Variants in PHLPP1 observed in about 807,000 individuals in gnomAD.
PHLPP1 encodes PH domain leucine-rich repeat-containing protein phosphatase 1.
PHLPP1 carries 42 observed loss-of-function variants against 117.2 expected under a neutral mutation model. That is an observed-to-expected ratio of 0.36 (90% CI 0.28 to 0.46). The LOEUF (loss-of-function observed/expected upper bound fraction) is 0.46, where lower values mean the gene tolerates loss of function less well. Ranked by LOEUF, PHLPP1 falls within the 20% of genes least tolerant of loss-of-function variation. The pLI is 1.00. For synonymous variants in PHLPP1, 1,042 were observed against 970.7 expected, an observed-to-expected ratio of 1.07 and a Z score of -1.37; for missense variants, 2,084 against 2,241.9, an observed-to-expected ratio of 0.93 and a Z score of 1.42.
At chr18:62,932,646 C>G (rs1435461130) in intron 10 of PHLPP1, among the ~76,000 whole-genome samples, 5 of 152,110 alleles carry the variant, frequency 3.3e-5, no homozygotes, top group African/African-American at 1.2e-4. Context: ...TATGACAAAC[C>G]CACAGCCAAC....
intron 4 of PHLPP1, among the ~76,000 whole-genome samples, chr18:62,890,894 G>A (rs1176711453): frequency 6.6e-6 from 1 of 152,004 alleles, no homozygotes; most frequent in East Asian, 1.9e-4. Context: ...TTTAAAACTG[G>A]CCCATTCTCT....
intron 1 of PHLPP1, among the ~76,000 whole-genome samples, chr18:62,812,406 G>A (rs1914151848): frequency 6.6e-6 from 1 of 152,166 alleles, no homozygotes; most frequent in Admixed American, 6.5e-5. Flanking sequence ...CACACACACA[G>A]CAGTGTGCAT....
At position 62,800,316 on chromosome 18, in the gene PHLPP1, G is replaced by A. The variant is rs1913742570; in HGVS notation, c.1577-29719G>A. On this transcript the variant is annotated intron_variant, in intron 1 of 16. Transcript: ENST00000262719. ...AGGGATATCCGAATGTTCTTCGTTTGCGTTATAAATTAACGCTTTAGAGTT... is the reference window on the plus strand; with the variant it reads ...AGGGATATCCGAATGTTCTTCGTTTACGTTATAAATTAACGCTTTAGAGTT... Among the ~76,000 whole-genome samples, 4 of 152,300 alleles carry A rather than the reference G, an allele frequency of 2.6e-5. No homozygotes were observed. In the South Asian group the frequency reaches 8.3e-4, roughly 32 times the overall value.
chr18:62,972,658 A>C lies in PHLPP1; in HGVS notation c.3705A>C (p.Lys1235Asn). 1 of 1,613,984 alleles carries C rather than the reference A, an allele frequency of 6.2e-7. No individual in the cohort carries two copies. The highest frequency in any genetic ancestry group is 1.7e-5 in the Admixed American group (1 of 60,024). Residue 1235 changes from lysine to asparagine, a missense_variant, in exon 15 of 17, where the codon AAA (lysine) becomes AAC (asparagine). Around this residue, in one of 2 missense-constraint regions of PHLPP1, gnomAD observed 1,365 missense variants for 1,605.9 expected, o/e 0.85. Coordinates refer to ENST00000262719, the MANE Select transcript of PHLPP1 (RefSeq NM_194449.4). ...MSDILAEELQ[K>N]TKNEEEYMVN... Reference sequence around the variant, plus strand: ...ACATTTTGGCTGAAGAGCTGCAAAAAACAAAAAACGAAGAAGAATACATGG... The same window carrying C: ...ACATTTTGGCTGAAGAGCTGCAAAACACAAAAAACGAAGAAGAATACATGG...
At chr18:62,824,211 C>T (rs1053437760) in intron 1 of PHLPP1, 7 of 454,302 alleles carry the variant, frequency 1.5e-5, no homozygotes, top group Non-Finnish European at 3.1e-5. Context: ...TAAAATGGTA[C>T]AAACCAGCCA....
intron 4 of PHLPP1, among the ~76,000 whole-genome samples, chr18:62,876,523 C>T (rs1383522804): frequency 6.6e-6 from 1 of 152,104 alleles, no homozygotes; most frequent in African/African-American, 2.4e-5. Flanking sequence ...AAATTGCCAT[C>T]TACTGTAAAG....
intron 9 of PHLPP1, among the ~76,000 whole-genome samples, chr18:62,917,030 A>G (rs1045898978): frequency 1.3e-5 from 2 of 151,244 alleles, no homozygotes; most frequent in Non-Finnish European, 2.9e-5. Context: ...CTGGGATTAT[A>G]GCCATGAGCC....
intron 10 of PHLPP1, among the ~76,000 whole-genome samples, chr18:62,920,918 T>A (rs992757905): frequency 5.9e-5 from 9 of 152,200 alleles, no homozygotes; most frequent in African/African-American, 2.2e-4. Context: ...CACATTCAAT[T>A]CAATTATTTT....
At position 62,945,291 on chromosome 18, in the gene PHLPP1, A is replaced by G. The variant is rs750183541; in HGVS notation, c.3324+20A>G. ...ATCAAGGTATGTGGTTTCATTTCAT[A>G]AACTCTAAGCTTCAGGTCGGCAAAG... On this transcript the variant is annotated intron_variant, in intron 12 of 16. Transcript: ENST00000262719. 1.3e-6 allele frequency: 2 copies of G among 1,579,670 alleles called. No homozygotes were observed. Among genetic ancestry groups the G allele is most frequent in the Non-Finnish European group, 1.7e-6 (2 of 1,165,012 alleles).
Position 62,896,018 on chromosome 18 carries a change from A to AT in PHLPP1, c.2444+12dup, listed in dbSNP as rs1014849615. On this transcript the variant is annotated splice_region_variant and intron_variant, in intron 6 of 16. Coordinates refer to ENST00000262719, the MANE Select transcript of PHLPP1 (RefSeq NM_194449.4). ...TTAAACATGTGGATCTAAGGTAACC[A>AT]TTTTTGAGAAATAGATCTCATTTGA... 3.2e-6 allele frequency: 5 copies of AT among 1,551,084 alleles called. No individual in the cohort carries two copies. The African/African-American group carries it at 6.8e-5, about 21-fold the overall frequency.
At chr18:62,739,954 T>C (rs1454686169) in intron 1 of PHLPP1, among the ~76,000 whole-genome samples, 1 of 152,182 alleles carries the variant, frequency 6.6e-6, no homozygotes, top group Non-Finnish European at 1.5e-5. Flanking sequence ...CTGCTGAATT[T>C]TTGGAGGATT....
chr18:62,917,396 TTGTG>T lies in PHLPP1; in HGVS notation c.2804+2424_2804+2427del, dbSNP rs34407573. 4.7e-3 allele frequency among the ~76,000 whole-genome samples: 671 copies of T among 141,476 alleles called. 5 individuals are homozygous for T. Among genetic ancestry groups the T allele is most frequent in the African/African-American group, 0.01 (383 of 37,748 alleles). 92.8% of individuals were successfully genotyped at this position (141,476 alleles called of 152,430 possible). ...TGTTAAAGAATTTAAACAGTATTCT[TTGTG>T]TGTGTGTGTGTGTGTGTGTGTGTGT... On this transcript the variant is annotated intron_variant, in intron 9 of 16. Transcript: ENST00000262719.
intron 1 of PHLPP1, among the ~76,000 whole-genome samples, chr18:62,798,661 T>C (rs1275279071): frequency 6.6e-6 from 1 of 152,168 alleles, no homozygotes; most frequent in Non-Finnish European, 1.5e-5. Context: ...TATGCAAAAA[T>C]GAACCTTTCC....
chr18:62,970,512 C>G (rs1281999644), intron 14 of PHLPP1, among the ~76,000 whole-genome samples: 1 of 152,154 alleles, frequency 6.6e-6, no homozygotes, highest in Admixed American at 6.5e-5. Context: ...TGCCTGTAAT[C>G]CCAGCACTTT....
chr18:62,784,142 A>G (rs1007894153), intron 1 of PHLPP1, among the ~76,000 whole-genome samples: 1 of 152,222 alleles, frequency 6.6e-6, no homozygotes, highest in Non-Finnish European at 1.5e-5. Flanking sequence ...CACATGGGGC[A>G]GACAGTGGGG....
chr18:62,812,872 C>T (rs768279791), intron 1 of PHLPP1, among the ~76,000 whole-genome samples: 5 of 152,048 alleles, frequency 3.3e-5, no homozygotes, highest in South Asian at 2.1e-4. Flanking sequence ...GCTAAACCTA[C>T]GGAACTGAAC....
intron 10 of PHLPP1, among the ~76,000 whole-genome samples, chr18:62,937,065 A>G (rs577300988): frequency 2.0e-5 from 3 of 152,342 alleles, no homozygotes; most frequent in South Asian, 2.1e-4. Flanking sequence ...AATACCTGGT[A>G]TGTCTACAAA....
At chr18:62,856,349 C>T (rs987226927) in intron 3 of PHLPP1, among the ~76,000 whole-genome samples, 1 of 152,154 alleles carries the variant, frequency 6.6e-6, no homozygotes, top group African/African-American at 2.4e-5. Context: ...ATATCCCCTG[C>T]CCCCTTACCT....
At chr18:62,915,067 C>G in intron 9 of PHLPP1, 59 bp downstream of exon 9, 2 of 1,250,104 alleles carry the variant, frequency 1.6e-6, no homozygotes, top group Admixed American at 2.0e-5. Context: ...TTAAAAATTG[C>G]TGATTCAGTG....
Sources: allele counts gnomAD v4.1 joint callset (sites outside exome capture counted in the v4.1 genomes callset), GRCh38; gene constraint gnomAD v4.1.1; regional missense constraint gnomAD v4.1.1; transcripts MANE v1.5; gene names NCBI Gene and HGNC (gene_info 2026-07-23, HGNC 2026-07-21).